BBIP1: variants seen among roughly 807,000 people sequenced by gnomAD.
The protein encoded by BBIP1 is BBSome-interacting protein 1.
A neutral mutation model predicts 8.9 loss-of-function variants in BBIP1; 6 were observed. The ratio of observed to expected loss-of-function variants is 0.67; its 90% CI spans 0.37 to 1.33. BBIP1 has a LOEUF of 1.33. Among genes scored for constraint, BBIP1 ranks in the 40% most tolerant of loss-of-function variants. BBIP1 has a pLI of 0.02. For missense variants in BBIP1, 111 were observed against 109.2 expected (o/e 1.02, Z -0.07); for synonymous variants, 32 against 33.4 (o/e 0.96, Z 0.14).
At chr10:110,913,717 T>A (rs1846329285) in intron 2 of BBIP1, among the ~76,000 whole-genome samples, 1 of 152,226 alleles carries the variant, frequency 6.6e-6, no homozygotes, top group Admixed American at 6.5e-5. Context: ...TTGCCTAACC[T>A]AGAGAAGTAA....
In BBIP1 at chr10:110,918,238, T is replaced by C; in HGVS notation, c.-56-25A>G. On this transcript the variant is annotated intron_variant, in intron 1 of 3. Transcript: ENST00000448814. ...ACTACAAGATAATGTATGATAACTT[T>C]GTAAAGGGCCATATAAAAGCAATAC... is the stretch of plus-strand genomic sequence containing the variant. 6 of 1,204,598 alleles carry C rather than the reference T, an allele frequency of 5.0e-6. No individual in the cohort carries two copies. The South Asian group carries it at 7.9e-5, about 16-fold the overall frequency. The allele number at this position is 1,204,598 out of a possible 1,614,324, so 74.6% of individuals were successfully genotyped here. A position where few individuals can be genotyped will look rare whatever the true frequency, so the allele number is the denominator to read the frequency against.
chr10:110,911,725 A>G (rs1167978573), intron 2 of BBIP1: 1 of 152,104 alleles, frequency 6.6e-6, no homozygotes, highest in Non-Finnish European at 1.5e-5. Flanking sequence ...CATATAGTCG[A>G]TAAGAAACAG....
intron 1 of BBIP1, 39 bp from the exon 2 acceptor site, chr10:110,918,252 T>A: frequency 2.8e-6 from 3 of 1,067,160 alleles, no homozygotes; most frequent in Non-Finnish European, 4.1e-6. Context: ...AAGGGCCATA[T>A]AAAAGCAATA....
At chr10:110,913,790 C>T (rs777267402) in intron 2 of BBIP1, among the ~76,000 whole-genome samples, 1 of 152,186 alleles carries the variant, frequency 6.6e-6, no homozygotes, top group South Asian at 2.1e-4. Context: ...TCAACAAAAG[C>T]ACCACTTATG....
chr10:110,901,236 T>C lies in BBIP1; in HGVS notation c.112+302A>G, dbSNP rs148289579. On this transcript the variant is annotated intron_variant, in intron 3 of 3. Transcript: ENST00000448814. ...TCAAGGCTGCGGTGAGCTACGGTTG[T>C]GCCAGCTGTACCCAAGCCTGGGTGG... 66 of 415,424 alleles carry C rather than the reference T, an allele frequency of 1.6e-4. No homozygotes were observed. In the East Asian group the frequency reaches 3.6e-3, roughly 23 times the overall value. The allele number at this position is 415,424 out of a possible 1,614,324, so 25.7% of individuals were successfully genotyped here.
intron 2 of BBIP1, among the ~76,000 whole-genome samples, chr10:110,916,043 C>T (rs564291909): frequency 1.9e-4 from 29 of 152,286 alleles, no homozygotes; most frequent in Non-Finnish European, 3.4e-4. Context: ...GTAGGCTGTC[C>T]AAGGTCATCC....
intron 2 of BBIP1, chr10:110,902,546 A>G (rs1268805297): frequency 6.6e-6 from 1 of 152,176 alleles, no homozygotes; most frequent in Non-Finnish European, 1.5e-5. Context: ...GCCTTTACCA[A>G]CCACTGCAAA....
intron 2 of BBIP1, chr10:110,907,499 T>G: frequency 2.3e-6 from 1 of 436,890 alleles, no homozygotes; most frequent in Non-Finnish European, 3.9e-6. Context: ...GGTGACAGAG[T>G]AAGAGCTTGT....
chr10:110,916,347 G>A (rs1448110315), intron 2 of BBIP1, among the ~76,000 whole-genome samples: 1 of 152,144 alleles, frequency 6.6e-6, no homozygotes, highest in Non-Finnish European at 1.5e-5. Context: ...TAGGCTAGGA[G>A]GAGTATACGA....
Position 110,907,640 on chromosome 10 carries a change from C to T in BBIP1, c.38-6028G>A, listed in dbSNP as rs148407939. 1,017 of 609,892 alleles carry T rather than the reference C, an allele frequency of 1.7e-3. 6 individuals carry two copies. The African/African-American group carries it at 0.017, about 10-fold the overall frequency. 37.8% of individuals were successfully genotyped at this position (609,892 alleles called of 1,614,324 possible). ...GGGAATGCATTATCAGCAGACACTA[C>T]ATATAAAAGTTTAGGATCTGAAAAG... is the stretch of plus-strand genomic sequence containing the variant. On this transcript the variant is annotated intron_variant, in intron 2 of 3. Coordinates refer to ENST00000448814, the MANE Select transcript of BBIP1 (RefSeq NM_001195305.3).
chr10:110,912,871 T>C (rs188496391), intron 2 of BBIP1, among the ~76,000 whole-genome samples: 2 of 152,284 alleles, frequency 1.3e-5, no homozygotes, highest in Non-Finnish European at 2.9e-5. Flanking sequence ...TATTAATGTA[T>C]CTAAACTTAT....
At chr10:110,915,004 T>G (rs1040239866) in intron 2 of BBIP1, among the ~76,000 whole-genome samples, 5 of 152,204 alleles carry the variant, frequency 3.3e-5, no homozygotes, top group African/African-American at 1.2e-4. Flanking sequence ...TTCAACAGTG[T>G]GCAAGGAAAG....
In BBIP1 at chr10:110,915,893, G is replaced by A. The variant is rs145800287; in HGVS notation, c.37+2228C>T. The stretch of plus-strand genomic sequence containing the variant: ...CAATTTCTGCATTTTTGGTAGAGAT[G>A]GGGTTTTGCCATGTTGGCCAGGCTG... On this transcript the variant is annotated intron_variant, in intron 2 of 3. Transcript: ENST00000448814. 9.2e-5 allele frequency among the ~76,000 whole-genome samples: 14 copies of A among 152,094 alleles called. No homozygotes were observed. The East Asian group carries it at 2.7e-3, about 29-fold the overall frequency.
Position 110,900,204 on chromosome 10 carries a change from A to G in BBIP1, c.*156T>C, listed in dbSNP as rs2134015152. 5.1e-6 allele frequency: 4 copies of G among 777,942 alleles called. No individual in the cohort carries two copies. Among genetic ancestry groups the G allele is most frequent in the East Asian group, 2.9e-5 (1 of 34,640 alleles). 48.2% of individuals were successfully genotyped at this position (777,942 alleles called of 1,614,324 possible). ...ACAAACCAGAGTGTTTACATTCACA[A>G]TACAAATTTCATCAATCTTGGATAT... On this transcript the variant is annotated 3_prime_UTR_variant, in exon 4 of 4. Transcript: ENST00000448814.
intron 2 of BBIP1, chr10:110,902,049 G>A (rs1846018143): frequency 1.9e-5 from 3 of 160,918 alleles, no homozygotes; most frequent in Admixed American, 1.8e-4. Context: ...GAACTGGCAG[G>A]CTAACATTTC....
intron 3 of BBIP1, 171 bp from the exon 4 acceptor site, chr10:110,900,697 C>T (rs1275846654): frequency 3.4e-6 from 2 of 588,236 alleles, no homozygotes; most frequent in South Asian, 2.5e-5. Flanking sequence ...ATTCTATAAG[C>T]GCATTTCTTA....
At chr10:110,904,796 C>T (rs1846090732) in intron 2 of BBIP1, 1 of 152,148 alleles carries the variant, frequency 6.6e-6, no homozygotes, top group African/African-American at 2.4e-5. Flanking sequence ...TTAAATAAAT[C>T]ATGGAACATC....
intron 2 of BBIP1, 42 bp from the exon 3 acceptor site, chr10:110,901,654 A>C: frequency 7.2e-7 from 1 of 1,392,376 alleles, no homozygotes; most frequent in African/African-American, 1.4e-5. Flanking sequence ...ACATTCCCAA[A>C]GCAGACTGCC....
chr10:110,908,836 AC>A (rs2134034139), intron 2 of BBIP1, among the ~76,000 whole-genome samples: 1 of 152,064 alleles, frequency 6.6e-6, no homozygotes, highest in African/African-American at 2.4e-5. Flanking sequence ...CTGGAAACAA[AC>A]CCTAACCAAA....
Sources: gnomAD v4.1 joint callset for allele counts (sites outside exome capture counted in the v4.1 genomes callset) on GRCh38, gnomAD v4.1.1 for gene constraint, MANE v1.5 for transcripts, NCBI Gene and HGNC (gene_info 2026-07-23, HGNC 2026-07-21) for gene names.